Variants in AMN1 observed in about 807,000 individuals in gnomAD.
AMN1 encodes antagonist of mitotic exit network 1 homolog, also known as protein AMN1 homolog.
In AMN1, 20 loss-of-function variants were observed where a neutral mutation model predicts 33.0. The ratio of observed to expected loss-of-function variants is 0.61; its 90% CI spans 0.43 to 0.88. AMN1 has a LOEUF of 0.88. AMN1 is among the 40% of genes least tolerant of loss of function. The pLI, the probability that AMN1 is intolerant of heterozygous loss-of-function variation, is 0.00. For missense variants in AMN1, 246 were observed against 307.4 expected, an observed-to-expected ratio of 0.80 and a Z score of 1.49; for synonymous variants, 114 against 111.9, an observed-to-expected ratio of 1.02 and a Z score of -0.12.
chr12:31,695,234 G>A (rs951462003), intron 5 of AMN1, among the ~76,000 whole-genome samples: 2 of 151,794 alleles, frequency 1.3e-5, no homozygotes, highest in Non-Finnish European at 2.9e-5. Flanking sequence ...TAATTTCTTG[G>A]TGGTTTTATT....
chr12:31,700,441 G>C (rs987893978), intron 3 of AMN1, among the ~76,000 whole-genome samples: 1 of 152,042 alleles, frequency 6.6e-6, no homozygotes, highest in Non-Finnish European at 1.5e-5. Flanking sequence ...AAAAGGTAAA[G>C]ATTCACTAAC....
chr12:31,711,825 T>C (rs1440361442), intron 1 of AMN1, among the ~76,000 whole-genome samples: 1 of 152,190 alleles, frequency 6.6e-6, no homozygotes, highest in African/African-American at 2.4e-5. Context: ...TTTGTGTATT[T>C]ATACCCATTA....
intron 6 of AMN1, among the ~76,000 whole-genome samples, chr12:31,684,877 G>A (rs1434212355): frequency 2.6e-5 from 4 of 152,074 alleles, no homozygotes; most frequent in Admixed American, 2.6e-4. Flanking sequence ...ATGGTTAAGT[G>A]TTTTCTCATC....
intron 2 of AMN1, among the ~76,000 whole-genome samples, chr12:31,704,151 C>T (rs753228764): frequency 1.3e-5 from 2 of 151,844 alleles, no homozygotes; most frequent in Admixed American, 6.6e-5. Flanking sequence ...CCAAACTGTC[C>T]GTCTAAAAGG....
intron 3 of AMN1, among the ~76,000 whole-genome samples, chr12:31,700,034 G>T (rs111392786): frequency 6.6e-6 from 1 of 151,974 alleles, no homozygotes; most frequent in South Asian, 2.1e-4. Context: ...AAACTTATGC[G>T]TGTTTGCAAT....
At chr12:31,702,342 C>T (rs1215770459) in intron 2 of AMN1, among the ~76,000 whole-genome samples, 2 of 152,192 alleles carry the variant, frequency 1.3e-5, no homozygotes. Flanking sequence ...GCATTAGAGA[C>T]TCTCCCTATG....
chr12:31,710,249 A>G (rs1939413771), intron 1 of AMN1, among the ~76,000 whole-genome samples: 1 of 152,178 alleles, frequency 6.6e-6, no homozygotes. Context: ...GGCAACAACC[A>G]AGAATCTTAT....
At chr12:31,689,256 A>T in intron 5 of AMN1, 138 bp from the exon 6 acceptor site, 1 of 625,026 alleles carries the variant, frequency 1.6e-6, no homozygotes. Flanking sequence ...AAAGACCAAT[A>T]TAAGTCTGAA....
rs1199502881 is a variant in AMN1 at position 31,697,943 on chromosome 12, C to A, written c.331G>T (p.Ala111Ser). 1 of 1,613,872 alleles carries A rather than the reference C, an allele frequency of 6.2e-7. No individual in the cohort carries two copies. Among genetic ancestry groups the A allele is most frequent in the Admixed American group, 1.7e-5 (1 of 60,016 alleles). ...SVTSEGIKAVASSCSYLHEAS... is the reference protein window; with the variant it reads ...SVTSEGIKAVSSSCSYLHEAS... ...TCGTGTAGGTATGAACAAGATGAAG[C>A]CACAGCTTTTATTCCTGGGGGAAAA... The change falls in exon 4 of 7, where the codon GCT (alanine) becomes TCT (serine). Residue 111 changes from alanine (A) to serine (S), a missense_variant. Transcript: ENST00000281471.
chr12:31,691,245 T>G (rs11051537), intron 5 of AMN1, among the ~76,000 whole-genome samples: 15,156 of 151,172 alleles, frequency 0.1, 1,076 homozygotes, highest in East Asian at 0.25. Context: ...AAAACCAAAA[T>G]AGTATATTAT....
chr12:31,696,215 C>T lies in AMN1; in HGVS notation c.591+1146G>A, dbSNP rs989468259. Among the ~76,000 whole-genome samples, 10 of 151,282 alleles carry T rather than the reference C, an allele frequency of 6.6e-5. No individual in the cohort carries two copies. The South Asian group carries it at 8.4e-4, about 13-fold the overall frequency. ...TCACACCACTGCACTCCAGCCTGGGCGACAGAGCAAGACTCCGTCTCAAAA... is the reference window on the plus strand; with the variant it reads ...TCACACCACTGCACTCCAGCCTGGGTGACAGAGCAAGACTCCGTCTCAAAA... On this transcript the variant is annotated intron_variant, in intron 5 of 6. Transcript: ENST00000281471.
chr12:31,678,820 A>T (rs1466473408), intron 6 of AMN1, among the ~76,000 whole-genome samples: 1 of 152,240 alleles, frequency 6.6e-6, no homozygotes, highest in Non-Finnish European at 1.5e-5. Context: ...AATAATGATC[A>T]AAGTCCTAAT....
chr12:31,713,613 G>A (rs1225249131), intron 1 of AMN1, among the ~76,000 whole-genome samples: 2 of 152,188 alleles, frequency 1.3e-5, no homozygotes, highest in African/African-American at 4.8e-5. Flanking sequence ...GACTGAGACA[G>A]GAGGCTCACT....
At chr12:31,706,581 C>T (rs533845844) in intron 2 of AMN1, among the ~76,000 whole-genome samples, 3 of 152,266 alleles carry the variant, frequency 2.0e-5, no homozygotes, top group South Asian at 2.1e-4. Context: ...AAAGATAACA[C>T]AGGAGTAGTA....
At chr12:31,711,162 C>G (rs910241574) in intron 1 of AMN1, among the ~76,000 whole-genome samples, 46 of 152,104 alleles carry the variant, frequency 3.0e-4, no homozygotes, top group African/African-American at 9.7e-4. Flanking sequence ...GCATGAGCCA[C>G]CGCACCCAGC....
intron 6 of AMN1, among the ~76,000 whole-genome samples, chr12:31,685,505 T>C (rs958064153): frequency 4.6e-5 from 7 of 152,078 alleles, no homozygotes; most frequent in African/African-American, 7.2e-5. Flanking sequence ...TTTTCCACTA[T>C]AGAACGCTCA....
chr12:31,699,924 C>A (rs1411813657), intron 3 of AMN1, among the ~76,000 whole-genome samples: 1 of 152,146 alleles, frequency 6.6e-6, no homozygotes, highest in Admixed American at 6.5e-5. Flanking sequence ...TGTGAAAAAA[C>A]CCCACACATT....
At chr12:31,692,035 G>A (rs990072911) in intron 5 of AMN1, among the ~76,000 whole-genome samples, 1 of 151,810 alleles carries the variant, frequency 6.6e-6, no homozygotes, top group Non-Finnish European at 1.5e-5. Flanking sequence ...GTGCAAATAT[G>A]CCTGGCTAAT....
At chr12:31,721,186 G>A (rs998876090) in intron 1 of AMN1, among the ~76,000 whole-genome samples, 2 of 152,158 alleles carry the variant, frequency 1.3e-5, no homozygotes, top group Non-Finnish European at 2.9e-5. Context: ...TGGGGTGCTG[G>A]GCATATGGGT....
Sources: allele counts gnomAD v4.1 joint callset (sites outside exome capture counted in the v4.1 genomes callset), GRCh38; gene constraint gnomAD v4.1.1; transcripts MANE v1.5; gene names NCBI Gene and HGNC (gene_info 2026-07-23, HGNC 2026-07-21).